Variants in ERC1 observed in about 807,000 individuals in gnomAD.
ERC1 encodes the protein ELKS/RAB6-interacting/CAST family member 1.
In ERC1, 56 loss-of-function variants were observed where a neutral mutation model predicts 132.0. That is an observed-to-expected ratio of 0.42 (90% CI 0.34 to 0.53). The LOEUF (loss-of-function observed/expected upper bound fraction) is 0.53, where lower values mean the gene tolerates loss of function less well. ERC1 is among the 20% of genes least tolerant of loss of function. The pLI is 0.03. For missense variants in ERC1, 1,202 were observed against 1,349.9 expected (o/e 0.89, Z 1.72); for synonymous variants, 478 against 476.1 (o/e 1.00, Z -0.05).
chr12:1,471,917 GT>G (rs1317922647), intron 18 of ERC1, among the ~76,000 whole-genome samples: 1 of 152,184 alleles, frequency 6.6e-6, no homozygotes, highest in Non-Finnish European at 1.5e-5. Flanking sequence ...TACATATTAA[GT>G]TTTCCTACAA....
chr12:1,488,344 G>A (rs182398039), intron 18 of ERC1, among the ~76,000 whole-genome samples: 5 of 152,080 alleles, frequency 3.3e-5, no homozygotes, highest in African/African-American at 1.2e-4. Context: ...GTAACAGTTA[G>A]AACACCTAAT....
At chr12:1,348,002 T>C (rs2084645163) in intron 15 of ERC1, among the ~76,000 whole-genome samples, 3 of 152,096 alleles carry the variant, frequency 2.0e-5, no homozygotes, top group South Asian at 4.1e-4. Flanking sequence ...AAAATTATAA[T>C]TGAAAATGAA....
chr12:1,287,579 A>G lies in ERC1; in HGVS notation c.2620-2273A>G, dbSNP rs143153332. ...AACTCTGATCTTTCCCAAGTGAGAG[A>G]GAATTCCCTCTGCCTGACTGCCTTC... On this transcript the variant is annotated intron_variant, in intron 14 of 18. Transcript: ENST00000360905. Among the ~76,000 whole-genome samples the G allele has an allele frequency of 5.7e-3, 867 of 152,336 alleles. 7 individuals carry two copies. The highest frequency in any genetic ancestry group is 0.02 in the African/African-American group (829 of 41,580).
intron 5 of ERC1, 140 bp from the exon 6 acceptor site, chr12:1,112,073 CTT>C (rs1945942717): frequency 3.4e-6 from 2 of 592,638 alleles, no homozygotes. Context: ...ACCTATGGCT[CTT>C]TGAAGAGGGA....
intron 12 of ERC1, among the ~76,000 whole-genome samples, chr12:1,235,405 A>G (rs1388116371): frequency 1.3e-5 from 2 of 152,250 alleles, no homozygotes; most frequent in East Asian, 3.8e-4. Context: ...ATGTAAAGAA[A>G]TCATAGACTA....
chr12:1,188,057 A>G (rs1400708750), intron 11 of ERC1, among the ~76,000 whole-genome samples: 2 of 152,198 alleles, frequency 1.3e-5, no homozygotes, highest in African/African-American at 2.4e-5. Context: ...TTGTGGAGTT[A>G]TAATAAATAA....
rs139156600 is a variant in ERC1 at position 1,491,576 on chromosome 12, C to T, written c.*1346C>T. 0.01 allele frequency: 2,117 copies of T among 210,012 alleles called. 43 individuals carry two copies. The highest frequency in any genetic ancestry group is 0.05 in the African/African-American group (2,004 of 39,972). The allele number at this position is 210,012 out of a possible 1,614,324, so 13.0% of individuals were successfully genotyped here. A position where few individuals can be genotyped will look rare whatever the true frequency, so the allele number is the denominator to read the frequency against. On this transcript the variant is annotated 3_prime_UTR_variant, in exon 19 of 19. Coordinates refer to ENST00000360905, the MANE Select transcript of ERC1 (RefSeq NM_178040.4). ...AAGGTGTGTTTTCTAGAAAAGTTCC[C>T]TAATGGAATTCATGAGTTTGGGGGT...
intron 7 of ERC1, among the ~76,000 whole-genome samples, chr12:1,140,398 G>A (rs1223915563): frequency 3.3e-5 from 5 of 152,070 alleles, no homozygotes; most frequent in Non-Finnish European, 7.4e-5. Flanking sequence ...TTGAGTTTGG[G>A]AATATTTGCA....
In ERC1 at chr12:1,219,635, C is replaced by CTTTT. The variant is rs775838825; in HGVS notation, c.2352-17124_2352-17121dup. ...CTCTGTAGCAATCAGACTGAACTCT[C>CTTTT]TTTTTTTTTTTTTCTTTTTTGAGAC... is the stretch of plus-strand genomic sequence containing the variant. On this transcript the variant is annotated intron_variant, in intron 12 of 18. Transcript: ENST00000360905. 9.1e-3 allele frequency among the ~76,000 whole-genome samples: 1,285 copies of CTTTT among 140,722 alleles called. 40 individuals are homozygous for CTTTT. Among genetic ancestry groups the CTTTT allele is most frequent in the African/African-American group, 0.032 (1,200 of 37,142 alleles). 92.3% of individuals were successfully genotyped at this position (140,722 alleles called of 152,430 possible).
intron 17 of ERC1, among the ~76,000 whole-genome samples, chr12:1,437,866 A>G (rs1411368965): frequency 6.6e-6 from 1 of 152,076 alleles, no homozygotes; most frequent in East Asian, 1.9e-4. Context: ...ATTTTCAAAA[A>G]TGATTCTCAT....
At chr12:1,356,095 T>G (rs2154368638) in intron 15 of ERC1, among the ~76,000 whole-genome samples, 1 of 152,010 alleles carries the variant, frequency 6.6e-6, no homozygotes, top group South Asian at 2.1e-4. Context: ...TCCCAGCTAC[T>G]TGCAGGGCTG....
At chr12:1,174,060 T>C (rs957593721) in intron 8 of ERC1, among the ~76,000 whole-genome samples, 2 of 152,166 alleles carry the variant, frequency 1.3e-5, no homozygotes, top group Non-Finnish European at 2.9e-5. Context: ...GGGGCTCAGC[T>C]GTTATCCATT....
chr12:1,275,348 C>G (rs866964340), intron 14 of ERC1, among the ~76,000 whole-genome samples: 1 of 151,996 alleles, frequency 6.6e-6, no homozygotes, highest in African/African-American at 2.4e-5. Context: ...TTTAGCTGGG[C>G]GTGGTGGTGC....
chr12:1,017,230 C>T (rs778504856), intron 1 of ERC1, among the ~76,000 whole-genome samples: 3 of 152,150 alleles, frequency 2.0e-5, no homozygotes, highest in Non-Finnish European at 4.4e-5. Context: ...CTCCTGACCT[C>T]AGGTGATCCA....
At chr12:1,276,574 G>GT (rs528430427) in intron 14 of ERC1, among the ~76,000 whole-genome samples, 2,594 of 143,742 alleles carry the variant, frequency 0.018, 22 homozygotes, top group Middle Eastern at 0.06. Flanking sequence ...ACTTAGTCCT[G>GT]TTTTTTTTTT....
At chr12:1,110,525 G>T (rs1487752534) in intron 5 of ERC1, among the ~76,000 whole-genome samples, 178 bp downstream of exon 5, 1 of 152,164 alleles carries the variant, frequency 6.6e-6, no homozygotes, top group Non-Finnish European at 1.5e-5. Context: ...CAGAATTACT[G>T]ACATAGATAG....
At chr12:1,268,566 G>T (rs1420794197) in intron 14 of ERC1, among the ~76,000 whole-genome samples, 5 of 152,142 alleles carry the variant, frequency 3.3e-5, no homozygotes, top group African/African-American at 1.2e-4. Flanking sequence ...TCCAGATTTG[G>T]GAGGTCTGCA....
At chr12:1,211,096 T>G (rs1343813856) in intron 12 of ERC1, among the ~76,000 whole-genome samples, 1 of 152,212 alleles carries the variant, frequency 6.6e-6, no homozygotes. Context: ...CACAACTATT[T>G]TGAAACTGTT....
At chr12:1,177,406 T>G (rs1773311350) in intron 8 of ERC1, among the ~76,000 whole-genome samples, 1 of 152,174 alleles carries the variant, frequency 6.6e-6, no homozygotes, top group African/African-American at 2.4e-5. Flanking sequence ...TTTCTAAATT[T>G]TGACTAAAAG....
Sources: allele counts gnomAD v4.1 joint callset (sites outside exome capture counted in the v4.1 genomes callset), GRCh38; gene constraint gnomAD v4.1.1; transcripts MANE v1.5; gene names NCBI Gene and HGNC (gene_info 2026-07-23, HGNC 2026-07-21).